The following LGSN variants were observed in gnomAD, a reference collection of about 807,000 sequenced individuals.
LGSN encodes lengsin.
Under a neutral mutation model 19.5 loss-of-function variants are expected in LGSN, and 21 were observed. The ratio of observed to expected loss-of-function variants is 1.07; its 90% CI spans 0.76 to 1.55. LGSN has a LOEUF of 1.55. Among genes scored for constraint, LGSN ranks in the 40% most tolerant of loss-of-function variants. The pLI, the probability that LGSN is intolerant of heterozygous loss-of-function variation, is 0.00. For synonymous variants in LGSN, 257 were observed against 215.6 expected (o/e 1.19, Z -1.68); for missense variants, 673 against 608.5 (o/e 1.11, Z -1.12).
the LGSN span, among the ~76,000 whole-genome samples, chr6:63,328,287 C>T: frequency 3.2e-4 from 48 of 152,244 alleles, no homozygotes; most frequent in African/African-American, 9.2e-4. Flanking sequence ...TCATCTTGGG[C>T]GGCATAAGTC....
At chr6:63,327,086 C>T in the LGSN span, among the ~76,000 whole-genome samples, 3 of 152,054 alleles carry the variant, frequency 2.0e-5, no homozygotes, top group Admixed American at 2.0e-4. Context: ...TAGCTACTTC[C>T]TGCTGGATAG....
chr6:63,324,074 CATTT>C (rs745802332), upstream of LGSN, among the ~76,000 whole-genome samples: 59 of 152,210 alleles, frequency 3.9e-4, 1 homozygote, highest in Non-Finnish European at 7.9e-4. Context: ...TTCCGGCTTG[CATTT>C]ATTCTTTTGA....
At chr6:63,297,210 C>A (rs554364755) in intron 1 of LGSN, among the ~76,000 whole-genome samples, 1 of 151,954 alleles carries the variant, frequency 6.6e-6, no homozygotes, top group Non-Finnish European at 1.5e-5. Context: ...CGTGGTTGCA[C>A]GTGCCTGTAA....
chr6:63,492,106 A>G, the LGSN span, among the ~76,000 whole-genome samples: 1 of 152,094 alleles, frequency 6.6e-6, no homozygotes, highest in Non-Finnish European at 1.5e-5. Flanking sequence ...CATCATTTTC[A>G]CAACTTTTTC....
the LGSN span, among the ~76,000 whole-genome samples, chr6:63,545,437 T>A: frequency 6.6e-6 from 1 of 152,054 alleles, no homozygotes; most frequent in South Asian, 2.1e-4. Flanking sequence ...GGGTGAAAGC[T>A]TGTCTCTACT....
the LGSN span, among the ~76,000 whole-genome samples, chr6:63,422,644 A>T: frequency 6.6e-6 from 1 of 152,212 alleles, no homozygotes; most frequent in Non-Finnish European, 1.5e-5. Flanking sequence ...CCTTTCCCTC[A>T]AATGTCTATA....
At chr6:63,379,318 C>T in the LGSN span, among the ~76,000 whole-genome samples, 4 of 151,996 alleles carry the variant, frequency 2.6e-5, no homozygotes, top group Non-Finnish European at 5.9e-5. Context: ...GCTTTGAAAA[C>T]GAGGAGACAA....
the LGSN span, among the ~76,000 whole-genome samples, chr6:63,524,628 A>G: frequency 6.6e-6 from 1 of 152,220 alleles, no homozygotes; most frequent in African/African-American, 2.4e-5. Context: ...GAAGCCTTGG[A>G]TGAGATTCTA....
chr6:63,529,815 C>G, the LGSN span, among the ~76,000 whole-genome samples: 1 of 152,008 alleles, frequency 6.6e-6, no homozygotes, highest in Non-Finnish European at 1.5e-5. Flanking sequence ...TGGCAAAATA[C>G]GTGCGTAAGA....
the LGSN span, among the ~76,000 whole-genome samples, chr6:63,357,854 A>C: frequency 3.4e-4 from 51 of 152,120 alleles, no homozygotes; most frequent in African/African-American, 8.9e-4. Context: ...CCATTTGTTA[A>C]TTTTGGCTTT....
the LGSN span, chr6:63,572,392 T>G: frequency 9.0e-6 from 3 of 331,996 alleles, no homozygotes; most frequent in African/African-American, 6.4e-5. Flanking sequence ...GCCTGTCGGC[T>G]CCTGGCCCGC....
chr6:63,487,185 G>C, the LGSN span, among the ~76,000 whole-genome samples: 1 of 151,918 alleles, frequency 6.6e-6, no homozygotes, highest in South Asian at 2.1e-4. Flanking sequence ...GCCCAGATTG[G>C]TCTCGAACTC....
the LGSN span, among the ~76,000 whole-genome samples, chr6:63,387,389 T>G: frequency 2.0e-5 from 3 of 152,154 alleles, no homozygotes; most frequent in Non-Finnish European, 2.9e-5. Flanking sequence ...ATTTACATAA[T>G]TTACATATTA....
the LGSN span, chr6:63,573,136 C>T: frequency 6.3e-6 from 1 of 159,214 alleles, no homozygotes; most frequent in Non-Finnish European, 1.4e-5. Context: ...CCGGGCATGG[C>T]AGGCTCCGCG....
At chr6:63,311,644 A>C (rs999135556) in intron 1 of LGSN, among the ~76,000 whole-genome samples, 9 of 152,162 alleles carry the variant, frequency 5.9e-5, no homozygotes, top group Non-Finnish European at 1.3e-4. Context: ...ATTCAAACTG[A>C]TGTCCTATGC....
chr6:63,515,438 C>T, the LGSN span, among the ~76,000 whole-genome samples: 1 of 152,064 alleles, frequency 6.6e-6, no homozygotes, highest in South Asian at 2.1e-4. Context: ...ACCATGTTGG[C>T]CAGATTGGTC....
At chr6:63,309,939 G>A (rs1768556804) in intron 1 of LGSN, among the ~76,000 whole-genome samples, 1 of 151,844 alleles carries the variant, frequency 6.6e-6, no homozygotes. Flanking sequence ...ACACAATTTT[G>A]GTTTTGTTAT....
chr6:63,317,705 C>T (rs189743533), intron 1 of LGSN, among the ~76,000 whole-genome samples: 1 of 152,088 alleles, frequency 6.6e-6, no homozygotes, highest in African/African-American at 2.4e-5. Context: ...TGAAGCAAGC[C>T]TCTAGAAGGT....
chr6:63,558,421 C>A, the LGSN span, among the ~76,000 whole-genome samples: 1 of 152,004 alleles, frequency 6.6e-6, no homozygotes, highest in Admixed American at 6.5e-5. Flanking sequence ...AATGTGGTAG[C>A]CAGTCAGACA....
Sources: allele counts gnomAD v4.1 joint callset (sites outside exome capture counted in the v4.1 genomes callset), GRCh38; gene constraint gnomAD v4.1.1; transcripts MANE v1.5; gene names NCBI Gene and HGNC (gene_info 2026-07-23, HGNC 2026-07-21).